The following CSMD1 variants were observed in gnomAD, a reference collection of about 807,000 sequenced individuals.
CSMD1 encodes CUB and Sushi multiple domains 1, also known as CUB and sushi domain-containing protein 1.
CSMD1 carries 213 observed loss-of-function variants against 417.5 expected under a neutral mutation model. The observed-to-expected ratio is 0.51, with a 90% CI of 0.46 to 0.57. The LOEUF is 0.57. Among genes scored for constraint, CSMD1 ranks in the 20% least tolerant of loss-of-function variants. The probability of loss-of-function intolerance (pLI) is 0.00; values close to 1 mark genes in which losing one functional copy is unlikely to be tolerated. For synonymous variants in CSMD1, 2,862 were observed against 1,736.8 expected (o/e 1.65, Z -16.11); for missense variants, 6,923 against 4,529.7 (o/e 1.53, Z -15.17).
chr8:4,907,750 G>C (rs1335498844), intron 1 of CSMD1, among the ~76,000 whole-genome samples: 2 of 149,586 alleles, frequency 1.3e-5, no homozygotes, highest in Admixed American at 1.3e-4. Flanking sequence ...ATTTTTTGTA[G>C]AGATGGGGTC....
In CSMD1 at chr8:4,044,651, T is replaced by G. The variant is rs114349271; in HGVS notation, c.416-12552A>C. Among the ~76,000 whole-genome samples, 972 of 152,258 alleles carry G rather than the reference T, an allele frequency of 6.4e-3. 11 individuals are homozygous for G. The highest frequency in any genetic ancestry group is 0.015 in the African/African-American group (610 of 41,560). On this transcript the variant is annotated intron_variant, in intron 3 of 69. Transcript: ENST00000635120. ...AGAGACATAGCGCACCCTGTACGTG[T>G]ACCACCCTGGGCGTGTACCACCCTG... is the stretch of plus-strand genomic sequence containing the variant.
At chr8:3,808,345 GT>G (rs1800865286) in intron 5 of CSMD1, among the ~76,000 whole-genome samples, 1 of 152,072 alleles carries the variant, frequency 6.6e-6, no homozygotes, top group African/African-American at 2.4e-5. Context: ...TTCTGGAAAT[GT>G]TTGGGTCTTG....
chr8:3,036,054 G>A (rs575146914), intron 50 of CSMD1, among the ~76,000 whole-genome samples: 1 of 152,138 alleles, frequency 6.6e-6, no homozygotes, highest in Non-Finnish European at 1.5e-5. Flanking sequence ...CAGATCAGTT[G>A]AAAGTATAAA....
intron 3 of CSMD1, among the ~76,000 whole-genome samples, chr8:4,287,744 T>G (rs1205782677): frequency 6.6e-6 from 1 of 151,678 alleles, no homozygotes; most frequent in Non-Finnish European, 1.5e-5. Flanking sequence ...ATCACACAAA[T>G]AGCCACTGAA....
chr8:3,979,491 T>G (rs1325188818), intron 5 of CSMD1, among the ~76,000 whole-genome samples: 1 of 152,182 alleles, frequency 6.6e-6, no homozygotes, highest in African/African-American at 2.4e-5. Context: ...GAATGTTGTG[T>G]CACTCCAAAA....
At chr8:4,412,744 T>C (rs1050497385) in intron 3 of CSMD1, among the ~76,000 whole-genome samples, 3 of 152,196 alleles carry the variant, frequency 2.0e-5, no homozygotes, top group South Asian at 2.1e-4. Flanking sequence ...TTACAGCTTA[T>C]AGGAATTAGA....
At chr8:3,911,954 A>C (rs1808492823) in intron 5 of CSMD1, among the ~76,000 whole-genome samples, 1 of 152,184 alleles carries the variant, frequency 6.6e-6, no homozygotes, top group African/African-American at 2.4e-5. Flanking sequence ...GTCCACCTGA[A>C]TCTTACATCT....
At chr8:3,858,465 T>C (rs184375854) in intron 5 of CSMD1, among the ~76,000 whole-genome samples, 1 of 152,256 alleles carries the variant, frequency 6.6e-6, no homozygotes, top group Non-Finnish European at 1.5e-5. Flanking sequence ...AAACTACTAC[T>C]CTATCTTTAG....
At chr8:4,893,215 G>C (rs1563692828) in intron 1 of CSMD1, among the ~76,000 whole-genome samples, 1 of 152,070 alleles carries the variant, frequency 6.6e-6, no homozygotes, top group Non-Finnish European at 1.5e-5. Context: ...AGTTGTATTG[G>C]TATCTGAATT....
Position 2,961,188 on chromosome 8 carries a change from G to A in CSMD1, c.9655C>T (p.Pro3219Ser), listed in dbSNP as rs1803447014. The change falls in exon 62 of 70, where the codon CCT (proline) becomes TCT (serine). Residue 3219 changes from proline (P) to serine (S), a missense_variant. Physicochemically the swap from Pro to Ser is moderately conservative, Grantham distance 74 (BLOSUM62 -1). Coordinates refer to ENST00000635120, the MANE Select transcript of CSMD1 (RefSeq NM_033225.6). ...IDPAHNTCPD[P>S]GTPHFGIQNS... Reference sequence around the variant, plus strand: ...TGTATTCCAAAGTGTGGCGTACCAGGGTCTGGGCAGGTGTTATGAGCAGGA... The same window carrying A: ...TGTATTCCAAAGTGTGGCGTACCAGAGTCTGGGCAGGTGTTATGAGCAGGA... 3 of 1,600,548 alleles carry A rather than the reference G, an allele frequency of 1.9e-6. No homozygotes were observed. Among genetic ancestry groups the A allele is most frequent in the Non-Finnish European group, 2.6e-6 (3 of 1,171,298 alleles).
At chr8:3,232,681 A>G (rs1450401525) in intron 26 of CSMD1, among the ~76,000 whole-genome samples, 1 of 152,130 alleles carries the variant, frequency 6.6e-6, no homozygotes, top group Non-Finnish European at 1.5e-5. Context: ...TTAATTGGAT[A>G]GTTTAGTCTC....
chr8:3,020,205 A>G (rs551960133), intron 51 of CSMD1, among the ~76,000 whole-genome samples: 1 of 152,328 alleles, frequency 6.6e-6, no homozygotes, highest in South Asian at 2.1e-4. Flanking sequence ...ATTAGATTCA[A>G]ACGGAAGCCA....
Position 3,347,716 on chromosome 8 carries a change from C to G in CSMD1, c.3474+276G>C, listed in dbSNP as rs561334130. 2.0e-5 allele frequency among the ~76,000 whole-genome samples: 3 copies of G among 152,272 alleles called. No individual in the cohort carries two copies. The East Asian group carries it at 5.8e-4, about 29-fold the overall frequency. ...TTGCATTTTGTTACACATAAGGAAGCTGAAGATCAAAAGTGTTAAATAACT... is the reference window on the plus strand; with the variant it reads ...TTGCATTTTGTTACACATAAGGAAGGTGAAGATCAAAAGTGTTAAATAACT... On this transcript the variant is annotated intron_variant, in intron 22 of 69. Transcript: ENST00000635120.
At chr8:3,065,827 G>C (rs1300468336) in intron 49 of CSMD1, among the ~76,000 whole-genome samples, 1 of 152,170 alleles carries the variant, frequency 6.6e-6, no homozygotes, top group Non-Finnish European at 1.5e-5. Flanking sequence ...TGAGAAACTA[G>C]ATTCCCTAGT....
intron 5 of CSMD1, among the ~76,000 whole-genome samples, chr8:3,991,337 G>A (rs146639619): frequency 6.6e-6 from 1 of 152,254 alleles, no homozygotes; most frequent in South Asian, 2.1e-4. Context: ...GCGTAGTCTG[G>A]GATGGCCAGT....
intron 5 of CSMD1, among the ~76,000 whole-genome samples, chr8:3,815,856 A>G (rs1801340065): frequency 6.6e-6 from 1 of 152,192 alleles, no homozygotes; most frequent in African/African-American, 2.4e-5. Flanking sequence ...CAGAGAAACT[A>G]GAGCCAGTGA....
intron 21 of CSMD1, among the ~76,000 whole-genome samples, chr8:3,348,819 A>G (rs952328551): frequency 2.0e-5 from 3 of 152,234 alleles, no homozygotes; most frequent in African/African-American, 7.2e-5. Context: ...TATCAAGGTA[A>G]AAGTGAAAAT....
chr8:4,790,560 C>T (rs1435617838), intron 1 of CSMD1, among the ~76,000 whole-genome samples: 1 of 152,168 alleles, frequency 6.6e-6, no homozygotes, highest in Admixed American at 6.5e-5. Flanking sequence ...CTGGAAGCAT[C>T]ACACAGCCCG....
chr8:4,815,694 CAAAAAAAAAAA>C (rs1218931391), intron 1 of CSMD1, among the ~76,000 whole-genome samples: 1 of 67,634 alleles, frequency 1.5e-5, no homozygotes, highest in Non-Finnish European at 2.9e-5. Context: ...AAAGCTGTCT[CAAAAAAAAAAA>C]AAAAAAAAAA....
Sources: gnomAD v4.1 joint callset for allele counts (sites outside exome capture counted in the v4.1 genomes callset) on GRCh38, gnomAD v4.1.1 for gene constraint, MANE v1.5 for transcripts, NCBI Gene and HGNC (gene_info 2026-07-23, HGNC 2026-07-21) for gene names.